The following PABPN1L variants were observed in gnomAD, a reference collection of about 807,000 sequenced individuals.
PABPN1L encodes the protein embryonic polyadenylate-binding protein 2.
In PABPN1L, 45 loss-of-function variants were observed where a neutral mutation model predicts 34.0. That is an observed-to-expected ratio of 1.32 (90% CI 1.04 to 1.70). PABPN1L has a LOEUF of 1.70. Ranked by LOEUF, PABPN1L falls within the 40% of genes most tolerant of loss-of-function variation. PABPN1L has a pLI of 0.00. For synonymous variants in PABPN1L, 182 were observed against 152.1 expected (o/e 1.20, Z -1.45); for missense variants, 459 against 367.8 (o/e 1.25, Z -2.03).
chr16:88,865,688 G>C (rs541493413), intron 2 of PABPN1L, 58 bp from the exon 3 acceptor site: 2 of 1,558,948 alleles, frequency 1.3e-6, no homozygotes, highest in African/African-American at 1.4e-5. Flanking sequence ...CTCCTCTCAC[G>C]GGGAAGGTCG....
At chr16:88,866,577 G>A (rs753142429) in exon 1 of PABPN1L, 3 of 1,553,376 alleles carry the variant, frequency 1.9e-6, no homozygotes, top group Non-Finnish European at 2.6e-6. Context: ...TCGGGGGTGG[G>A]AAGAGAGAGC....
At chr16:88,865,996 A>G (rs1968583669) in intron 1 of PABPN1L, 55 bp from the exon 2 acceptor site, 43 of 1,522,652 alleles carry the variant, frequency 2.8e-5, no homozygotes, top group Non-Finnish European at 3.7e-5. Flanking sequence ...TGCTCAAGGA[A>G]GGTGGGTGTG....
chr16:88,865,828 C>G, exon 2 of PABPN1L: 1 of 1,608,038 alleles, frequency 6.2e-7, no homozygotes, highest in South Asian at 1.1e-5. Flanking sequence ...GGCTCAGCAG[C>G]TGCCCGGCCG....
chr16:88,864,718 T>C (rs936378909), intron 5 of PABPN1L, 135 bp downstream of exon 5: 2 of 1,045,962 alleles, frequency 1.9e-6, no homozygotes, highest in Non-Finnish European at 1.4e-6. Context: ...CGCCACATCC[T>C]GTCCAGGCCC....
chr16:88,868,886 C>T (rs752354798), upstream of PABPN1L, among the ~76,000 whole-genome samples: 1 of 152,184 alleles, frequency 6.6e-6, no homozygotes, highest in African/African-American at 2.4e-5. Flanking sequence ...GGTTCGCATT[C>T]GCCTCCGGTG....
upstream of PABPN1L, among the ~76,000 whole-genome samples, chr16:88,869,779 C>G (rs1968664052): frequency 1.3e-5 from 2 of 152,266 alleles, no homozygotes; most frequent in African/African-American, 2.4e-5. Flanking sequence ...CATGGAAAAC[C>G]TTGTCATCCT....
chr16:88,866,052 C>G (rs1236233602), intron 1 of PABPN1L, 111 bp from the exon 2 acceptor site: 1 of 1,422,810 alleles, frequency 7.0e-7, no homozygotes, highest in East Asian at 2.5e-5. Context: ...AGGGGCAGCC[C>G]TTCTCTGGAC....
intron 1 of PABPN1L, 44 bp downstream of exon 1, chr16:88,866,308 C>T (rs958678818): frequency 2.6e-6 from 4 of 1,528,120 alleles, no homozygotes; most frequent in African/African-American, 1.4e-5. Context: ...AGCCCCTGTG[C>T]CCCAGGTCCC....
At chr16:88,865,036 A>G (rs976041949) in exon 4 of PABPN1L, 39 of 1,600,782 alleles carry the variant, frequency 2.4e-5, no homozygotes, top group Non-Finnish European at 3.3e-5. Flanking sequence ...TGGGGTGTCC[A>G]GAGAACTTGT....
Position 88,865,463 on chromosome 16 carries a change from C to G in PABPN1L, c.459+100G>C, listed in dbSNP as rs552427136. 7.2e-4 allele frequency: 1,050 copies of G among 1,462,584 alleles called. 3 individuals are homozygous for G. The African/African-American group carries it at 0.014, about 19-fold the overall frequency. 90.6% of individuals were successfully genotyped at this position (1,462,584 alleles called of 1,614,324 possible). On this transcript the variant is annotated intron_variant, in intron 3 of 6. Transcript: ENST00000419291. ...GGGGCTGCCCCCAGGGTCAGACCCC[C>G]TTCCCAGCAAGGCTGCCTGGCCCAT...
intron 5 of PABPN1L, among the ~76,000 whole-genome samples, 160 bp downstream of exon 5, chr16:88,864,693 C>T (rs1027068468): frequency 1.3e-5 from 2 of 152,130 alleles, no homozygotes; most frequent in African/African-American, 4.8e-5. Context: ...AACCCAGCTT[C>T]AGGTCCGAGG....
chr16:88,864,847 G>A lies in PABPN1L; in HGVS notation c.654+6C>T, dbSNP rs766296231. The A allele has an allele frequency of 6.9e-6, 11 of 1,602,604 alleles. No homozygotes were observed. The African/African-American group carries it at 8.0e-5, about 12-fold the overall frequency. ...ATGTTCCTGGACCTGGGGAGCACCG[G>A]CGCACCTTGATGACCCGGCCCCGGA... On this transcript the variant is annotated splice_donor_region_variant and intron_variant, in intron 5 of 6. Coordinates refer to ENST00000419291, the Ensembl canonical transcript of PABPN1L.
At chr16:88,864,422 G>T (rs534048632) in intron 5 of PABPN1L, 43 bp from the exon 6 acceptor site, 2 of 1,528,960 alleles carry the variant, frequency 1.3e-6, no homozygotes, top group Non-Finnish European at 1.8e-6. Context: ...AGGAGCAGCC[G>T]AGACCCAGCT....
exon 2 of PABPN1L, chr16:88,865,879 A>T (rs1383589512): frequency 6.3e-5 from 101 of 1,609,680 alleles, no homozygotes; most frequent in Non-Finnish European, 7.6e-5. Context: ...GCACTCCTGG[A>T]GGCCGTGGCG....
chr16:88,865,915 C>T, exon 2 of PABPN1L: 2 of 1,608,828 alleles, frequency 1.2e-6, no homozygotes, highest in South Asian at 1.1e-5. Context: ...CCATGGCACA[C>T]ACCTTCATCT....
chr16:88,864,793 A>G, intron 5 of PABPN1L, 60 bp downstream of exon 5: 4 of 1,492,708 alleles, frequency 2.7e-6, no homozygotes, highest in Non-Finnish European at 3.7e-6. Flanking sequence ...TGTGTGTCCC[A>G]GGGCCAGTGG....
chr16:88,866,233 G>A, intron 1 of PABPN1L, 119 bp downstream of exon 1: 2 of 1,419,100 alleles, frequency 1.4e-6, no homozygotes, highest in Non-Finnish European at 1.9e-6. Context: ...AGGCAGGTGG[G>A]CAATGGCCCT....
At chr16:88,866,854 G>A (rs2143020857), upstream of PABPN1L, among the ~76,000 whole-genome samples, 1 of 152,354 alleles carries the variant, frequency 6.6e-6, no homozygotes, top group South Asian at 2.1e-4. Context: ...AGTTGAGTGG[G>A]GGTCACCGGT....
upstream of PABPN1L, among the ~76,000 whole-genome samples, chr16:88,869,371 G>A (rs1043408665): frequency 2.0e-5 from 3 of 152,224 alleles, no homozygotes; most frequent in East Asian, 1.9e-4. Context: ...GTCCCTGGAC[G>A]CTGTTCCCCC....
Sources: gnomAD v4.1 joint callset for allele counts (sites outside exome capture counted in the v4.1 genomes callset) on GRCh38, gnomAD v4.1.1 for gene constraint, MANE v1.5 for transcripts, NCBI Gene and HGNC (gene_info 2026-07-23, HGNC 2026-07-21) for gene names.